TLK1: variants seen among roughly 807,000 people sequenced by gnomAD.
The protein encoded by TLK1 is tousled like kinase 1.
In TLK1, 24 loss-of-function variants were observed where a neutral mutation model predicts 105.3. The ratio of observed to expected loss-of-function variants is 0.23; its 90% confidence interval spans 0.17 to 0.32. The LOEUF (loss-of-function observed/expected upper bound fraction) is 0.32. TLK1 is among the 10% of genes least tolerant of loss of function. The probability of loss-of-function intolerance (pLI) is 1.00; values close to 1 mark genes in which losing one functional copy is unlikely to be tolerated. For synonymous variants in TLK1, 321 were observed against 310.4 expected (o/e 1.03, Z -0.36); for missense variants, 558 against 910.5 (o/e 0.61, Z 4.98).
chr2:171,068,124 C>T lies in TLK1; in HGVS notation c.331-6968G>A, dbSNP rs2723234. Among the ~76,000 whole-genome samples, 1,290 of 152,090 alleles carry T rather than the reference C, an allele frequency of 8.5e-3. 13 individuals are homozygous for T. The highest frequency in any genetic ancestry group is 0.03 in the African/African-American group (1,231 of 41,520). On this transcript the variant is annotated intron_variant, in intron 3 of 20. Coordinates refer to ENST00000431350, the MANE Select transcript of TLK1 (RefSeq NM_012290.5). ...GGTGGATCACCTGAGGTCAGGAGTTCGAGACCAGCCTGGCCAACATGGCGA... is the reference window on the plus strand; with the variant it reads ...GGTGGATCACCTGAGGTCAGGAGTTTGAGACCAGCCTGGCCAACATGGCGA...
intron 1 of TLK1, among the ~76,000 whole-genome samples, chr2:171,122,022 C>CG (rs1467964359): frequency 2.0e-5 from 3 of 152,204 alleles, no homozygotes; most frequent in Admixed American, 6.5e-5. Context: ...TCTTGGCTCA[C>CG]TGCAACCTCC....
intron 11 of TLK1, among the ~76,000 whole-genome samples, chr2:171,033,950 G>C (rs571316097): frequency 1.4e-5 from 2 of 145,872 alleles, no homozygotes; most frequent in Non-Finnish European, 3.0e-5. Flanking sequence ...GTGAAAAAAT[G>C]AGCAAAAGAC....
intron 1 of TLK1, among the ~76,000 whole-genome samples, chr2:171,212,065 C>T (rs748747863): frequency 2.0e-5 from 3 of 151,992 alleles, no homozygotes; most frequent in East Asian, 3.9e-4. Flanking sequence ...AGGCTGGTCT[C>T]GAACTCCTGA....
At chr2:171,039,267 T>C (rs947122962) in intron 11 of TLK1, among the ~76,000 whole-genome samples, 1 of 152,160 alleles carries the variant, frequency 6.6e-6, no homozygotes, top group Admixed American at 6.5e-5. Flanking sequence ...TGTTTTGTTT[T>C]GTTGTTTTGT....
rs201266944 is a variant in TLK1 at position 171,225,646 on chromosome 2, C to CA, written c.-6+5498dup. On this transcript the variant is annotated intron_variant, in intron 1 of 20. Transcript: ENST00000521943. ...CAAGAGAACTGAAAATGTATGTCCA[C>CA]AAAAAAAAACCCTAACGTTTATACA... Among the ~76,000 whole-genome samples, 479 of 149,662 alleles carry CA rather than the reference C, an allele frequency of 3.2e-3. 4 individuals are homozygous for CA. The highest frequency in any genetic ancestry group is 5.0e-3 in the Non-Finnish European group (334 of 67,294).
intron 16 of TLK1, 44 bp downstream of exon 16, chr2:171,006,756 C>T (rs941462215): frequency 1.3e-6 from 2 of 1,585,530 alleles, no homozygotes; most frequent in Middle Eastern, 1.7e-4. Flanking sequence ...AAAGAGAAAG[C>T]AAGCATATCT....
intron 11 of TLK1, among the ~76,000 whole-genome samples, 153 bp from the exon 12 acceptor site, chr2:171,028,558 A>T (rs1685888396): frequency 6.6e-6 from 1 of 152,206 alleles, no homozygotes; most frequent in Non-Finnish European, 1.5e-5. Flanking sequence ...TATTCTTCAG[A>T]ATATATTTAA....
intron 2 of TLK1, among the ~76,000 whole-genome samples, chr2:171,111,946 G>GT (rs895119028): frequency 1.0e-4 from 12 of 119,776 alleles, no homozygotes; most frequent in African/African-American, 4.7e-4. Flanking sequence ...AAATGGTAGG[G>GT]TTTTTTGTTT....
intron 1 of TLK1, among the ~76,000 whole-genome samples, chr2:171,139,065 A>G (rs1691461775): frequency 6.6e-6 from 1 of 152,236 alleles, no homozygotes; most frequent in African/African-American, 2.4e-5. Flanking sequence ...ATAATTTAAA[A>G]GAAGCAAAGT....
intron 18 of TLK1, among the ~76,000 whole-genome samples, chr2:171,000,376 C>CAA (rs34800888): frequency 0.013 from 1,048 of 78,278 alleles, 28 homozygotes; most frequent in African/African-American, 0.047. Context: ...GAAACTCTGT[C>CAA]AAAAAAAAAA....
intron 1 of TLK1, among the ~76,000 whole-genome samples, chr2:171,217,741 A>G (rs1281129543): frequency 6.6e-6 from 1 of 152,240 alleles, no homozygotes; most frequent in African/African-American, 2.4e-5. Flanking sequence ...TTCAATAAAC[A>G]AGTTGAGTGA....
rs765202016 is a variant in TLK1 at position 171,056,504 on chromosome 2, T to C, written c.516A>G (p.Gln172=). 3.1e-6 allele frequency: 5 copies of C among 1,611,946 alleles called. No individual in the cohort carries two copies. The highest frequency in any genetic ancestry group is 1.7e-5 in the Admixed American group (1 of 59,980). The change falls in exon 6 of 21, where the codon CAA becomes CAG. Residue 172 remains glutamine, a synonymous_variant. Coordinates refer to ENST00000431350, the MANE Select transcript of TLK1 (RefSeq NM_012290.5). ...RGIPPAIRSP[Q]NSHSHSTPSS... ...AAGGAGTGGAATGTGAATGTGAATT[T>C]TGAGGAGAACGGATTGCAGGAGGTA...
chr2:171,203,967 G>A (rs1345686437), intron 1 of TLK1, among the ~76,000 whole-genome samples: 3 of 151,914 alleles, frequency 2.0e-5, no homozygotes, highest in African/African-American at 7.3e-5. Flanking sequence ...CAGGAGAATC[G>A]CTTGAACCGG....
intron 1 of TLK1, among the ~76,000 whole-genome samples, chr2:171,205,743 C>G (rs1693494531): frequency 6.6e-6 from 1 of 152,220 alleles, no homozygotes; most frequent in Non-Finnish European, 1.5e-5. Context: ...GCTGTCCATT[C>G]TCTTCACTTA....
chr2:170,996,111 A>G (rs2356424), intron 20 of TLK1, among the ~76,000 whole-genome samples: 5,664 of 151,604 alleles, frequency 0.037, 417 homozygotes, highest in East Asian at 0.3. Flanking sequence ...TGATCCTCCC[A>G]CCTCAGACTC....
Position 171,006,290 on chromosome 2 carries a change from TA to T in TLK1, c.1769-9del, listed in dbSNP as rs1189553014. 5.7e-6 allele frequency: 9 copies of T among 1,577,174 alleles called. No individual in the cohort carries two copies. The highest frequency in any genetic ancestry group is 2.0e-5 in the Admixed American group (1 of 49,942). ...CTACCAGTAGGATGTTTCCTAAGAA[TA>T]AAATATAAGATTCTTTTAATGATAC... On this transcript the variant is annotated splice_polypyrimidine_tract_variant and intron_variant, in intron 17 of 20. Coordinates refer to ENST00000431350, the MANE Select transcript of TLK1 (RefSeq NM_012290.5).
chr2:171,192,230 T>A (rs1051122528), intron 1 of TLK1, among the ~76,000 whole-genome samples: 1 of 152,108 alleles, frequency 6.6e-6, no homozygotes, highest in African/African-American at 2.4e-5. Context: ...GGTTTTGCCA[T>A]GTTGCCCAAG....
chr2:171,203,910 G>A (rs1346498190), intron 1 of TLK1, among the ~76,000 whole-genome samples: 1 of 152,076 alleles, frequency 6.6e-6, no homozygotes, highest in Non-Finnish European at 1.5e-5. Context: ...AAATTTGCCG[G>A]GCGTGGTGGC....
chr2:171,125,547 C>T (rs1690834393), intron 1 of TLK1, among the ~76,000 whole-genome samples: 2 of 152,224 alleles, frequency 1.3e-5, no homozygotes, highest in South Asian at 4.1e-4. Context: ...GCAATAATGG[C>T]AGCACTGAAA....
Sources: gnomAD v4.1 joint callset for allele counts (sites outside exome capture counted in the v4.1 genomes callset) on GRCh38, gnomAD v4.1.1 for gene constraint, MANE v1.5 for transcripts, NCBI Gene and HGNC (gene_info 2026-07-23, HGNC 2026-07-21) for gene names.